TRIM44: variants seen among roughly 807,000 people sequenced by gnomAD.
TRIM44 encodes the protein tripartite motif containing 44.
TRIM44 carries 13 observed loss-of-function variants against 37.4 expected under a neutral mutation model. The observed-to-expected ratio is 0.35, with a 90% CI of 0.23 to 0.55. The LOEUF (loss-of-function observed/expected upper bound fraction) is 0.55. Ranked by LOEUF, TRIM44 falls within the 20% of genes least tolerant of loss-of-function variation. TRIM44 has a pLI of 0.89. For missense variants in TRIM44, 426 were observed against 437.2 expected (o/e 0.97, Z 0.23); for synonymous variants, 175 against 157.2 (o/e 1.11, Z -0.85).
At chr11:35,748,850 C>T (rs539505690) in intron 4 of TRIM44, among the ~76,000 whole-genome samples, 59 of 152,128 alleles carry the variant, frequency 3.9e-4, no homozygotes, top group Non-Finnish European at 7.6e-4. Context: ...TAACTTGGTT[C>T]TATGGCTCAG....
chr11:35,752,316 C>G (rs919374886), intron 4 of TRIM44, among the ~76,000 whole-genome samples: 1 of 152,082 alleles, frequency 6.6e-6, no homozygotes, highest in African/African-American at 2.4e-5. Flanking sequence ...GTTGGCCACT[C>G]TTACTCATTC....
At chr11:35,788,108 C>A (rs1340899318) in intron 4 of TRIM44, among the ~76,000 whole-genome samples, 1 of 152,154 alleles carries the variant, frequency 6.6e-6, no homozygotes, top group Non-Finnish European at 1.5e-5. Flanking sequence ...CCACCAAGTT[C>A]CCCTTGGTCC....
chr11:35,762,209 A>G (rs1366580249), intron 4 of TRIM44, among the ~76,000 whole-genome samples: 1 of 152,184 alleles, frequency 6.6e-6, no homozygotes, highest in Non-Finnish European at 1.5e-5. Flanking sequence ...TTTTTGTGCT[A>G]ACTCCTGCTT....
At chr11:35,742,856 T>G (rs1009525724) in intron 4 of TRIM44, among the ~76,000 whole-genome samples, 3 of 147,228 alleles carry the variant, frequency 2.0e-5, no homozygotes, top group Admixed American at 7.0e-5. Flanking sequence ...ATATTATTTT[T>G]ATTTCTAATT....
intron 4 of TRIM44, among the ~76,000 whole-genome samples, chr11:35,751,489 G>A (rs1852559061): frequency 6.6e-6 from 1 of 152,172 alleles, no homozygotes; most frequent in Admixed American, 6.5e-5. Context: ...AGGGCAGTGA[G>A]ACCAGGATAT....
intron 4 of TRIM44, among the ~76,000 whole-genome samples, chr11:35,742,593 TTA>T (rs1367401423): frequency 2.1e-4 from 27 of 130,138 alleles, no homozygotes; most frequent in Non-Finnish European, 3.2e-4. Flanking sequence ...ATTAATTGTA[TTA>T]TATATAATTA....
chr11:35,718,947 G>A (rs1288819833), intron 2 of TRIM44, among the ~76,000 whole-genome samples: 1 of 148,588 alleles, frequency 6.7e-6, no homozygotes, highest in Non-Finnish European at 1.5e-5. Flanking sequence ...ATATTCTGTT[G>A]TCTGGATGTA....
chr11:35,721,518 C>A (rs1852107011), intron 2 of TRIM44, among the ~76,000 whole-genome samples: 1 of 152,054 alleles, frequency 6.6e-6, no homozygotes, highest in Non-Finnish European at 1.5e-5. Context: ...AGATAGAGTT[C>A]CAGTGGTAGT....
intron 4 of TRIM44, among the ~76,000 whole-genome samples, chr11:35,746,446 CTTTTTTTTT>C: frequency 1.1e-5 from 1 of 93,190 alleles, no homozygotes; most frequent in East Asian, 3.3e-4. Flanking sequence ...GGGGGTCCTT[CTTTTTTTTT>C]TTTTTTTTTT....
intron 4 of TRIM44, among the ~76,000 whole-genome samples, chr11:35,749,461 A>G (rs544082990): frequency 6.6e-4 from 100 of 152,274 alleles, no homozygotes; most frequent in African/African-American, 2.3e-3. Flanking sequence ...TAGGCAGGTG[A>G]ATTGATTGAG....
chr11:35,812,738 T>C lies in TRIM44; in HGVS notation c.*6353T>C, dbSNP rs1853541582. 1 of 152,336 alleles carries C rather than the reference T, an allele frequency of 6.6e-6. No homozygotes were observed. The highest frequency in any genetic ancestry group is 1.5e-5 in the Non-Finnish European group (1 of 68,130). 9.4% of individuals were successfully genotyped at this position (152,336 alleles called of 1,614,324 possible). A position where few individuals can be genotyped will look rare whatever the true frequency, so the allele number is the denominator to read the frequency against. ...ACCCCCACACATGTACAGTATGGCCTTGGGGCAAAGGAGTTTGCCTTTTGC... is the reference window on the plus strand; with the variant it reads ...ACCCCCACACATGTACAGTATGGCCCTGGGGCAAAGGAGTTTGCCTTTTGC... On this transcript the variant is annotated 3_prime_UTR_variant, in exon 5 of 5. Transcript: ENST00000299413.
chr11:35,802,681 G>A (rs1158284292), intron 4 of TRIM44, among the ~76,000 whole-genome samples: 2 of 152,100 alleles, frequency 1.3e-5, no homozygotes, highest in Non-Finnish European at 2.9e-5. Context: ...CCGAGCTAAG[G>A]CCGGTTAACT....
intron 2 of TRIM44, among the ~76,000 whole-genome samples, chr11:35,707,581 C>T (rs1240888086): frequency 1.3e-5 from 2 of 148,650 alleles, no homozygotes; most frequent in Non-Finnish European, 3.0e-5. Flanking sequence ...ATCATTGGAA[C>T]AGAAAAGAGC....
chr11:35,710,610 G>GT (rs1178347168), intron 2 of TRIM44, among the ~76,000 whole-genome samples: 12 of 152,208 alleles, frequency 7.9e-5, no homozygotes, highest in African/African-American at 2.9e-4. Context: ...CAAAGGTAAA[G>GT]TTTATTATGC....
intron 4 of TRIM44, among the ~76,000 whole-genome samples, chr11:35,752,180 T>G (rs953954385): frequency 6.6e-6 from 1 of 152,034 alleles, no homozygotes; most frequent in African/African-American, 2.4e-5. Flanking sequence ...CACATCCAGT[T>G]AATCAGCAAA....
chr11:35,774,764 G>T (rs1852929442), intron 4 of TRIM44, among the ~76,000 whole-genome samples: 1 of 152,176 alleles, frequency 6.6e-6, no homozygotes, highest in Non-Finnish European at 1.5e-5. Flanking sequence ...GGTTGTCAAA[G>T]ATCAGATGGT....
intron 4 of TRIM44, among the ~76,000 whole-genome samples, chr11:35,740,097 A>T (rs905752723): frequency 2.2e-5 from 2 of 92,498 alleles, no homozygotes; most frequent in East Asian, 7.0e-4. Flanking sequence ...GACTCTGTCT[A>T]AAAAAAAAAA....
At chr11:35,776,621 C>A (rs981945838) in intron 4 of TRIM44, among the ~76,000 whole-genome samples, 3 of 152,196 alleles carry the variant, frequency 2.0e-5, no homozygotes, top group African/African-American at 7.2e-5. Flanking sequence ...CCTCTACACA[C>A]TGCTTTAAAT....
intron 3 of TRIM44, 61 bp from the exon 4 acceptor site, chr11:35,735,365 A>G: frequency 1.3e-6 from 2 of 1,590,018 alleles, no homozygotes; most frequent in South Asian, 2.2e-5. Flanking sequence ...AAAGAAAGAA[A>G]TCTGACTCTG....
Sources: gnomAD v4.1 joint callset for allele counts (sites outside exome capture counted in the v4.1 genomes callset) on GRCh38, gnomAD v4.1.1 for gene constraint, MANE v1.5 for transcripts, NCBI Gene and HGNC (gene_info 2026-07-23, HGNC 2026-07-21) for gene names.